ZMYND10: variants seen among roughly 807,000 people sequenced by gnomAD.
ZMYND10 encodes zinc finger MYND domain-containing protein 10.
A neutral mutation model predicts 62.6 loss-of-function variants in ZMYND10; 52 were observed. That is an observed-to-expected ratio of 0.83 (90% CI 0.67 to 1.05). The LOEUF is 1.05. Ranked by LOEUF, ZMYND10 falls within the 50% of genes least tolerant of loss-of-function variation. The probability of loss-of-function intolerance (pLI) is 0.00; values close to 1 mark genes in which losing one functional copy is unlikely to be tolerated. For missense variants in ZMYND10, 438 were observed against 543.3 expected (o/e 0.81, Z 1.93); for synonymous variants, 197 against 218.5 (o/e 0.90, Z 0.87).
In ZMYND10 at chr3:50,342,493, G is replaced by C; in HGVS notation, c.777C>G (p.Asp259Glu). ...PSEQQKLSKL[D>E]GQVWIALYNL... ...TGTACAGGGCGATCCACACTTGCCC[G>C]TCCAACTTGCTCAGCTTTTGCTGCT... Residue 259 changes from aspartate to glutamate, a missense_variant, in exon 8 of 12, where the codon GAC becomes GAG. By Grantham distance (45) the Asp-to-Glu change is conservative (BLOSUM62 2). Coordinates refer to ENST00000231749, the MANE Select transcript of ZMYND10 (RefSeq NM_015896.4). 6.2e-7 allele frequency: 1 copy of C among 1,614,028 alleles called. No homozygotes were observed. The highest frequency in any genetic ancestry group is 8.5e-7 in the Non-Finnish European group (1 of 1,179,968).
intron 6 of ZMYND10, 26 bp downstream of exon 6, chr3:50,343,092 G>C: frequency 6.2e-7 from 1 of 1,614,110 alleles, no homozygotes; most frequent in Non-Finnish European, 8.5e-7. Flanking sequence ...CTCCACAGTA[G>C]GCCCAGGCCC....
chr3:50,343,345 G>T lies in ZMYND10; in HGVS notation c.472C>A (p.Pro158Thr). The change falls in exon 5 of 12, where the codon CCT (proline) becomes ACT (threonine). Residue 158 changes from proline (P) to threonine (T), a missense_variant. Physicochemically the swap from Pro to Thr is conservative, Grantham distance 38. Coordinates refer to ENST00000231749, the MANE Select transcript of ZMYND10 (RefSeq NM_015896.4). ...LVAQSGCGGP[P>T]EGEGSQDSNP... ...CTGTCCTGGGATCCCTCCCCCTCAGGGGGGCCACCACAGCCACTCTGGGCC... is the reference window on the plus strand; with the variant it reads ...CTGTCCTGGGATCCCTCCCCCTCAGTGGGGCCACCACAGCCACTCTGGGCC... 6.2e-7 allele frequency: 1 copy of T among 1,613,050 alleles called. No individual in the cohort carries two copies. Among genetic ancestry groups the T allele is most frequent in the Non-Finnish European group, 8.5e-7 (1 of 1,179,526 alleles).
chr3:50,342,719 A>G (rs1270731982), intron 7 of ZMYND10, 150 bp from the exon 8 acceptor site: 13 of 1,467,252 alleles, frequency 8.9e-6, no homozygotes, highest in Non-Finnish European at 1.1e-5. Context: ...ACCCCAGAGC[A>G]GGGTGAGCCT....
intron 2 of ZMYND10, among the ~76,000 whole-genome samples, chr3:50,344,421 C>A (rs59476380): frequency 0.034 from 5,125 of 150,426 alleles, 299 homozygotes; most frequent in African/African-American, 0.12. Context: ...CAGGTTCAAG[C>A]GATTCTCCTG....
In ZMYND10 at chr3:50,343,260, G is replaced by A. The variant is rs763933099; in HGVS notation, c.510+47C>T. 7 of 1,613,760 alleles carry A rather than the reference G, an allele frequency of 4.3e-6. No individual in the cohort carries two copies. In the South Asian group the frequency reaches 5.5e-5, roughly 13 times the overall value. The stretch of plus-strand genomic sequence containing the variant: ...GCCACCCTCACCTGCGCAGGCCTTG[G>A]GGAACCCAGACCTAGGCTTTCACAA... On this transcript the variant is annotated intron_variant, in intron 5 of 11. Coordinates refer to ENST00000231749, the MANE Select transcript of ZMYND10 (RefSeq NM_015896.4).
Position 50,345,087 on chromosome 3 carries a change from G to C in ZMYND10, c.201+37C>G. ...GGAGGGGTAGAGTAGGTGAGGTATG[G>C]GGGAAGGCAGGAACCCTGCCTGTGA... is the stretch of plus-strand genomic sequence containing the variant. On this transcript the variant is annotated intron_variant, in intron 2 of 11. Coordinates refer to ENST00000231749, the MANE Select transcript of ZMYND10 (RefSeq NM_015896.4). The surrounding 1 kb of genome is among the most constrained non-coding windows in gnomAD (Gnocchi z 5.0). 1 of 1,593,548 alleles carries C rather than the reference G, an allele frequency of 6.3e-7. No homozygotes were observed. The highest frequency in any genetic ancestry group is 1.1e-5 in the South Asian group (1 of 89,304).
Position 50,345,639 on chromosome 3 carries a change from C to T in ZMYND10, c.-60G>A. The T allele has an allele frequency of 3.3e-6, 5 of 1,510,536 alleles. 1 individual carries two copies. Among genetic ancestry groups the T allele is most frequent in the African/African-American group, 1.4e-5 (1 of 72,424 alleles). The allele number at this position is 1,510,536 out of a possible 1,614,324, so 93.6% of individuals were successfully genotyped here. A position where few individuals can be genotyped will look rare whatever the true frequency, so the allele number is the denominator to read the frequency against. On this transcript the variant is annotated 5_prime_UTR_variant, in exon 1 of 12. Coordinates refer to ENST00000231749, the MANE Select transcript of ZMYND10 (RefSeq NM_015896.4). This position sits in a 1 kb window ranked among gnomAD's most constrained non-coding sequence, Gnocchi z 5.0. Reference sequence around the variant, plus strand: ...GCCGGGGTGGGGATGCTGTCACATTCGGGGACGACGGACCCCGACGGTGCC... The same window carrying T: ...GCCGGGGTGGGGATGCTGTCACATTTGGGGACGACGGACCCCGACGGTGCC...
Position 50,345,194 on chromosome 3 carries a change from A to G in ZMYND10, c.131T>C (p.Met44Thr), listed in dbSNP as rs141852855. The change falls in exon 2 of 12, where the codon ATG becomes ACG. Residue 44 changes from methionine to threonine, a missense_variant. By Grantham distance (81) the Met-to-Thr change is moderately conservative. Coordinates refer to ENST00000231749, the MANE Select transcript of ZMYND10 (RefSeq NM_015896.4). This position sits in a 1 kb window ranked among gnomAD's most constrained non-coding sequence, Gnocchi z 5.0. Reference protein sequence around the residue: ...QQHENLEKLNMQAILDATVSQ... With the variant: ...QQHENLEKLNTQAILDATVSQ... ...GACTGTGGCATCGAGGATGGCTTGCATGTTCAGCTTCTCCAGGTTCTCATG... is the reference window on the plus strand; with the variant it reads ...GACTGTGGCATCGAGGATGGCTTGCGTGTTCAGCTTCTCCAGGTTCTCATG... 4 of 1,613,870 alleles carry G rather than the reference A, an allele frequency of 2.5e-6. No homozygotes were observed. In the African/African-American group the frequency reaches 4.0e-5, roughly 16 times the overall value.
chr3:50,342,650 C>T, intron 7 of ZMYND10, 81 bp from the exon 8 acceptor site: 1 of 1,537,368 alleles, frequency 6.5e-7, no homozygotes. Context: ...GGAGACTGAC[C>T]ACTGCCTGGG....
In ZMYND10 at chr3:50,345,459, CGGGACTCCGCCT is replaced by C; in HGVS notation, c.92+17_92+28del. 6.4e-7 allele frequency: 1 copy of C among 1,565,156 alleles called. No individual in the cohort carries two copies. ...CTCCCCGACTCAAGGACAATGACTC[CGGGACTCCGCCT>C]GACCCGGGTGCCTCACCCTTCGGAG... is the stretch of plus-strand genomic sequence containing the variant. On this transcript the variant is annotated intron_variant, in intron 1 of 11. Transcript: ENST00000231749. The surrounding 1 kb of genome is among the most constrained non-coding windows in gnomAD (Gnocchi z 5.0).
In ZMYND10 at chr3:50,341,328, TG is replaced by T; in HGVS notation, c.*81del. ...CGGAGACTGGGGCTCCGGCAGAGGCTGGACCGTGATCTTGAGGTTCAGGGGT... is the reference window on the plus strand; with the variant it reads ...CGGAGACTGGGGCTCCGGCAGAGGCTGACCGTGATCTTGAGGTTCAGGGGT... On this transcript the variant is annotated 3_prime_UTR_variant, in exon 12 of 12. Coordinates refer to ENST00000231749, the MANE Select transcript of ZMYND10 (RefSeq NM_015896.4). 1 of 1,551,650 alleles carries T rather than the reference TG, an allele frequency of 6.4e-7. No homozygotes were observed. The highest frequency in any genetic ancestry group is 8.8e-7 in the Non-Finnish European group (1 of 1,134,826).
chr3:50,343,861 T>G lies in ZMYND10; in HGVS notation c.202-11A>C. 4 of 1,613,488 alleles carry G rather than the reference T, an allele frequency of 2.5e-6. No homozygotes were observed. Among genetic ancestry groups the G allele is most frequent in the Non-Finnish European group, 3.4e-6 (4 of 1,179,662 alleles). ...CACCAGTGTTGGGACCTTTGAAGGG[T>G]AGGGTAAAGGACAGGGATGAGATGG... is the stretch of plus-strand genomic sequence containing the variant. On this transcript the variant is annotated splice_polypyrimidine_tract_variant and intron_variant, in intron 2 of 11. Transcript: ENST00000231749.
chr3:50,343,472 G>A, intron 4 of ZMYND10, 28 bp from the exon 5 acceptor site: 1 of 1,612,730 alleles, frequency 6.2e-7, no homozygotes, highest in Non-Finnish European at 8.5e-7. Context: ...GAAACTTTCT[G>A]TGTCTGATGC....
rs1559851686 is a variant in ZMYND10 at position 50,343,734 on chromosome 3, C to T, written c.318G>A (p.Val106=). ...GGTATGAACCAGGGGCCCAGCTCAC[C>T]ACCATGTAGATGGGGAAGGTGTTCT... The part of the protein sequence containing the change: ...KPQNTFPIYM[V]VHHEASIINL... The change falls in exon 3 of 12, where the codon GTG becomes GTA. Residue 106 remains valine (V), a splice_region_variant and synonymous_variant. Transcript: ENST00000231749. 1.2e-6 allele frequency: 2 copies of T among 1,614,004 alleles called. No homozygotes were observed. The highest frequency in any genetic ancestry group is 1.1e-5 in the South Asian group (1 of 91,086).
intron 2 of ZMYND10, 166 bp from the exon 3 acceptor site, chr3:50,344,016 C>G (rs149670757): frequency 1.6e-6 from 1 of 625,002 alleles, no homozygotes; most frequent in African/African-American, 1.8e-5. Context: ...CACCTTGGAC[C>G]TTCATTACCA....
At position 50,341,354 on chromosome 3, in the gene ZMYND10, T is replaced by A; in HGVS notation, c.*56A>T. 2 of 1,598,876 alleles carry A rather than the reference T, an allele frequency of 1.3e-6. No homozygotes were observed. The highest frequency in any genetic ancestry group is 2.2e-5 in the South Asian group (2 of 90,576). ...GGACCGTGATCTTGAGGTTCAGGGG[T>A]GCATTCTGGGTGGATTCCCTTGGCA... is the stretch of plus-strand genomic sequence containing the variant. On this transcript the variant is annotated 3_prime_UTR_variant, in exon 12 of 12. Transcript: ENST00000231749.
Position 50,343,335 on chromosome 3 carries a change from T to TC in ZMYND10, c.481dup (p.Glu161GlyfsTer22). 1 of 1,611,456 alleles carries TC rather than the reference T, an allele frequency of 6.2e-7. No homozygotes were observed. Among genetic ancestry groups the TC allele is most frequent in the Non-Finnish European group, 8.5e-7 (1 of 1,178,800 alleles). Reference sequence around the variant, plus strand: ...CATGGGGTTGCTGTCCTGGGATCCCTCCCCCTCAGGGGGGCCACCACAGCC... The same window carrying TC: ...CATGGGGTTGCTGTCCTGGGATCCCTCCCCCCTCAGGGGGGCCACCACAGCC... On this transcript the variant is annotated frameshift_variant, in exon 5 of 12. Transcript: ENST00000231749. LOFTEE classifies it high-confidence loss of function.
In ZMYND10 at chr3:50,343,221, A is replaced by T. The variant is rs372348796; in HGVS notation, c.511-15T>A. The T allele has an allele frequency of 3.1e-6, 5 of 1,614,046 alleles. No individual in the cohort carries two copies. The highest frequency in any genetic ancestry group is 1.3e-5 in the African/African-American group (1 of 74,926). ...TTCTGCAGCTCCTGGGAGGTCACAC[A>T]GTGTTCACGCTGGGCCACCCTCACC... On this transcript the variant is annotated splice_polypyrimidine_tract_variant and intron_variant, in intron 5 of 11. Coordinates refer to ENST00000231749, the MANE Select transcript of ZMYND10 (RefSeq NM_015896.4).
chr3:50,342,926 C>T lies in ZMYND10; in HGVS notation c.692G>A (p.Arg231Gln), dbSNP rs773115830. 62 of 1,613,756 alleles carry T rather than the reference C, an allele frequency of 3.8e-5. No homozygotes were observed. The highest frequency in any genetic ancestry group is 1.3e-4 in the East Asian group (6 of 44,900). Reference protein sequence around the residue: ...ELLEHSPWSRREGGKLQQFEG... With the variant: ...ELLEHSPWSRQEGGKLQQFEG... ...GTGGGGGAGGACCCTACCTCCTTCC[C>T]GCCGGCTCCAGGGACTATGCTCCAG... The change falls in exon 7 of 12, where the codon CGG (arginine) becomes CAG (glutamine). Residue 231 changes from arginine (R) to glutamine (Q), a missense_variant. Arg to Gln is a conservative substitution (Grantham distance 43). Transcript: ENST00000231749.
Sources: allele counts gnomAD v4.1 joint callset (sites outside exome capture counted in the v4.1 genomes callset), GRCh38; gene constraint gnomAD v4.1.1; non-coding constraint Gnocchi (gnomAD v3.1); transcripts MANE v1.5; gene names NCBI Gene and HGNC (gene_info 2026-07-23, HGNC 2026-07-21).